The following ERG variants were observed in gnomAD, a reference collection of about 807,000 sequenced individuals.
ERG encodes transcriptional regulator ERG.
ERG carries 9 observed loss-of-function variants against 55.3 expected under a neutral mutation model. The ratio of observed to expected loss-of-function variants is 0.16; its 90% CI spans 0.10 to 0.28. ERG has a LOEUF of 0.28. Ranked by LOEUF, ERG falls within the 10% of genes least tolerant of loss-of-function variation. The pLI, the probability that ERG is intolerant of heterozygous loss-of-function variation, is 1.00. For synonymous variants in ERG, 223 were observed against 237.3 expected, an observed-to-expected ratio of 0.94 and a Z score of 0.55; for missense variants, 434 against 631.6, an observed-to-expected ratio of 0.69 and a Z score of 3.35.
At chr21:38,526,534 T>C (rs1484824643) in intron 2 of ERG, among the ~76,000 whole-genome samples, 1 of 152,144 alleles carries the variant, frequency 6.6e-6, no homozygotes, top group Non-Finnish European at 1.5e-5. Flanking sequence ...TGAATAAAAC[T>C]GTGAGTAAGA....
intron 2 of ERG, among the ~76,000 whole-genome samples, chr21:38,516,018 C>A (rs2059548985): frequency 6.6e-6 from 1 of 151,966 alleles, no homozygotes; most frequent in Non-Finnish European, 1.5e-5. Flanking sequence ...TAACCCACAG[C>A]TAACATTATA....
At chr21:38,450,834 C>T (rs1287729922) in intron 1 of ERG, 4 of 445,306 alleles carry the variant, frequency 9.0e-6, no homozygotes, top group Non-Finnish European at 1.8e-5. Context: ...ATTTTATATC[C>T]AATGACATCT....
chr21:38,658,692 T>A (rs2060534168), intron 1 of ERG, among the ~76,000 whole-genome samples: 1 of 152,250 alleles, frequency 6.6e-6, no homozygotes, highest in Admixed American at 6.5e-5. Flanking sequence ...GAGTTACACA[T>A]TCCTTCTGAC....
chr21:38,470,485 T>C (rs1051713801), intron 1 of ERG, among the ~76,000 whole-genome samples: 11 of 152,218 alleles, frequency 7.2e-5, no homozygotes, highest in Admixed American at 2.0e-4. Context: ...AATTATTTAC[T>C]TGTAAAGATT....
At chr21:38,537,550 A>G (rs909264682) in intron 2 of ERG, among the ~76,000 whole-genome samples, 8 of 152,150 alleles carry the variant, frequency 5.3e-5, no homozygotes, top group African/African-American at 1.9e-4. Context: ...GATAACACTA[A>G]TGGCCAATAA....
At chr21:38,529,430 T>G (rs1471030086) in intron 2 of ERG, among the ~76,000 whole-genome samples, 1 of 152,222 alleles carries the variant, frequency 6.6e-6, no homozygotes, top group Admixed American at 6.5e-5. Context: ...GGTGGATGGC[T>G]ATGAGGGAAA....
chr21:38,371,579 G>A, the ERG span, among the ~76,000 whole-genome samples: 1 of 151,920 alleles, frequency 6.6e-6, no homozygotes, highest in South Asian at 2.1e-4. Flanking sequence ...TAGTTAATAA[G>A]ATATAGATGC....
At position 38,614,331 on chromosome 21, in the gene ERG, C is replaced by T. The variant is rs369607919; in HGVS notation, c.-149-29386G>A. Among the ~76,000 whole-genome samples the T allele has an allele frequency of 3.3e-5, 5 of 152,304 alleles. No homozygotes were observed. The East Asian group carries it at 9.7e-4, about 29-fold the overall frequency. ...TGAATCCCAATGTTGTTCAGGGCCA[C>T]AATATCTTCAGGTACAAATTACATT... is the stretch of plus-strand genomic sequence containing the variant. On this transcript the variant is annotated intron_variant, in intron 1 of 10. Transcript: ENST00000398910.
rs1476032571 is a variant in ERG at position 38,661,292 on chromosome 21, A to T, written c.-150+366T>A. ...GAAAACCGTTGCAAACATTGAAAAT[A>T]GTAAAAGTGAAAACGGTTGCGACAC... On this transcript the variant is annotated intron_variant, in intron 1 of 10. Transcript: ENST00000398910. Among the ~76,000 whole-genome samples, 9 of 152,366 alleles carry T rather than the reference A, an allele frequency of 5.9e-5. No homozygotes were observed. The East Asian group carries it at 1.5e-3, about 26-fold the overall frequency.
At chr21:38,495,348 C>CA (rs984891868) in intron 1 of ERG, among the ~76,000 whole-genome samples, 3 of 151,868 alleles carry the variant, frequency 2.0e-5, no homozygotes, top group East Asian at 3.9e-4. Context: ...TCTGTTAATT[C>CA]AAAAAAAAGT....
chr21:38,457,810 G>A (rs1202430341), intron 1 of ERG, among the ~76,000 whole-genome samples: 2 of 152,150 alleles, frequency 1.3e-5, no homozygotes, highest in African/African-American at 4.8e-5. Context: ...CAGAGCAGGT[G>A]GGGCCTTCCA....
intron 1 of ERG, among the ~76,000 whole-genome samples, chr21:38,656,502 T>C (rs764946150): frequency 2.6e-5 from 4 of 152,166 alleles, no homozygotes; most frequent in Non-Finnish European, 5.9e-5. Context: ...TTCCTTAAGA[T>C]AGTCACACAA....
At chr21:38,386,968 GACAGAGGC>G (rs1987719149) in intron 9 of ERG, among the ~76,000 whole-genome samples, 1 of 152,044 alleles carries the variant, frequency 6.6e-6, no homozygotes, top group African/African-American at 2.4e-5. Context: ...CTTTTAAGAA[GACAGAGGC>G]ACTCCTTTAA....
chr21:38,370,580 T>A, the ERG span, among the ~76,000 whole-genome samples: 1 of 152,118 alleles, frequency 6.6e-6, no homozygotes, highest in Non-Finnish European at 1.5e-5. Context: ...CTTAATCATA[T>A]ATGTGTGACT....
At position 38,627,842 on chromosome 21, in the gene ERG, G is replaced by A. The variant is rs767129692; in HGVS notation, c.-150+33816C>T. On this transcript the variant is annotated intron_variant, in intron 1 of 10. Coordinates refer to the ERG transcript ENST00000398910. ...GAAAGGGATGTGGTAATTTTTTGAT[G>A]TATATCTTTATATAACCATGCATAG... is the stretch of plus-strand genomic sequence containing the variant. Among the ~76,000 whole-genome samples, 99 of 152,108 alleles carry A rather than the reference G, an allele frequency of 6.5e-4. 1 individual carries two copies. Among genetic ancestry groups the A allele is most frequent in the Non-Finnish European group, 1.2e-3 (84 of 68,002 alleles).
In ERG at chr21:38,423,551, C is replaced by G. The variant is rs2146503909; in HGVS notation, c.247G>C (p.Asp83His). Residue 83 changes from aspartate (D) to histidine (H), a missense_variant, in exon 3 of 10, where the codon GAT becomes CAT. Asp to His is a moderately conservative substitution (Grantham distance 81). Coordinates refer to ENST00000288319, the MANE Select transcript of ERG (RefSeq NM_182918.4). ...SQVNGSRNSP[D>H]ECSVAKGGKM... ...CCGCCTTTGGCCACACTGCATTCAT[C>G]AGGAGAGTTCCTGGAGGAGAAGAAA... 1 of 1,611,322 alleles carries G rather than the reference C, an allele frequency of 6.2e-7. No homozygotes were observed. The highest frequency in any genetic ancestry group is 1.1e-5 in the South Asian group (1 of 90,926).
chr21:38,572,824 TTAACCAATACGATCA>T (rs149360450), intron 2 of ERG, among the ~76,000 whole-genome samples: 3,766 of 152,300 alleles, frequency 0.025, 139 homozygotes, highest in African/African-American at 0.086. Context: ...TATATTGACA[TTAACCAATACGATCA>T]ACCAATATGA....
chr21:38,622,455 C>T (rs939163204), intron 1 of ERG, among the ~76,000 whole-genome samples: 2 of 149,408 alleles, frequency 1.3e-5, no homozygotes, highest in African/African-American at 2.5e-5. Context: ...ATGACATACA[C>T]ACCACACCAT....
At chr21:38,593,595 T>C (rs1268550530) in intron 1 of ERG, among the ~76,000 whole-genome samples, 1 of 152,204 alleles carries the variant, frequency 6.6e-6, no homozygotes, top group Non-Finnish European at 1.5e-5. Context: ...ACAACCATCT[T>C]TGCAATGAGA....
Sources: gnomAD v4.1 joint callset for allele counts (sites outside exome capture counted in the v4.1 genomes callset) on GRCh38, gnomAD v4.1.1 for gene constraint, MANE v1.5 for transcripts, NCBI Gene and HGNC (gene_info 2026-07-23, HGNC 2026-07-21) for gene names.